The following MAF variants were observed in gnomAD, a reference collection of about 807,000 sequenced individuals.
MAF encodes MAF bZIP transcription factor, also known as transcription factor Maf.
Under a neutral mutation model 22.0 loss-of-function variants are expected in MAF, and 10 were observed. That is an observed-to-expected ratio of 0.45 (90% CI 0.28 to 0.77). The LOEUF is 0.77. Among genes scored for constraint, MAF ranks in the 30% least tolerant of loss-of-function variants. MAF has a pLI of 0.12. For synonymous variants in MAF, 337 were observed against 255.8 expected (o/e 1.32, Z -3.03); for missense variants, 544 against 548.4 (o/e 0.99, Z 0.08).
chr16:79,421,137 T>A, the MAF span, among the ~76,000 whole-genome samples: 1 of 152,186 alleles, frequency 6.6e-6, no homozygotes, highest in Non-Finnish European at 1.5e-5. Context: ...TCTGCCTAAT[T>A]TGCAAATTAA....
At position 79,598,967 on chromosome 16, in the gene MAF, C is replaced by G; in HGVS notation, c.936G>C (p.Gln312His). 6.2e-7 allele frequency: 1 copy of G among 1,613,846 alleles called. No individual in the cohort carries two copies. Among genetic ancestry groups the G allele is most frequent in the Non-Finnish European group, 8.5e-7 (1 of 1,179,942 alleles). The change falls in exon 1 of 2, where the codon CAG becomes CAC. Residue 312 changes from glutamine to histidine, a missense_variant. Gln to His is a conservative substitution (Grantham distance 24, BLOSUM62 0). Transcript: ENST00000326043. ...TCTTCTCCGACTCCAGGACGTGTCT[C>G]TGCTGCACCCTCTTGAAGCGGCAGG... ...AQSCRFKRVQ[Q>H]RHVLESEKNQ... is the part of the protein sequence containing the mutation.
chr16:79,315,222 G>T, the MAF span, among the ~76,000 whole-genome samples: 1 of 152,256 alleles, frequency 6.6e-6, no homozygotes, highest in African/African-American at 2.4e-5. Context: ...CTAGTGGGAA[G>T]AGCCAGGCAA....
At chr16:79,435,444 G>C in the MAF span, among the ~76,000 whole-genome samples, 1 of 152,216 alleles carries the variant, frequency 6.6e-6, no homozygotes, top group Admixed American at 6.5e-5. Flanking sequence ...GCGGTCAATA[G>C]CGAAATCTTC....
chr16:79,358,550 G>A, the MAF span, among the ~76,000 whole-genome samples: 10 of 152,228 alleles, frequency 6.6e-5, no homozygotes, highest in Non-Finnish European at 1.0e-4. Context: ...GCGTGGATGG[G>A]AGGCGTGAGA....
At chr16:79,512,782 T>G in the MAF span, among the ~76,000 whole-genome samples, 1 of 152,222 alleles carries the variant, frequency 6.6e-6, no homozygotes, top group Non-Finnish European at 1.5e-5. Context: ...TGGTATTGAT[T>G]TCACTCTTCC....
the MAF span, among the ~76,000 whole-genome samples, chr16:79,556,426 T>A: frequency 1.3e-5 from 2 of 152,210 alleles, no homozygotes; most frequent in Non-Finnish European, 2.9e-5. Flanking sequence ...GAAAGAGAGT[T>A]GTATTGGGTT....
chr16:79,301,421 T>C, the MAF span, among the ~76,000 whole-genome samples: 48 of 151,808 alleles, frequency 3.2e-4, no homozygotes, highest in African/African-American at 1.2e-3. Context: ...GGAAGTGCAT[T>C]TTTTCCCCCC....
chr16:79,376,047 T>C, the MAF span, among the ~76,000 whole-genome samples: 14 of 152,086 alleles, frequency 9.2e-5, no homozygotes, highest in African/African-American at 3.4e-4. Context: ...CAGACTTTTT[T>C]CAAAACATTG....
chr16:79,576,324 T>C, the MAF span, among the ~76,000 whole-genome samples: 2 of 151,160 alleles, frequency 1.3e-5, no homozygotes, highest in African/African-American at 2.4e-5. Flanking sequence ...CATCAGGCGA[T>C]TGATTAAAAA....
chr16:79,424,740 G>A, the MAF span, among the ~76,000 whole-genome samples: 3 of 152,092 alleles, frequency 2.0e-5, no homozygotes, highest in Non-Finnish European at 4.4e-5. Context: ...AAATCCTGCT[G>A]CATAACCAAC....
chr16:79,449,913 C>T, the MAF span, among the ~76,000 whole-genome samples: 2 of 152,198 alleles, frequency 1.3e-5, no homozygotes, highest in East Asian at 1.9e-4. Flanking sequence ...AGCTTATGGG[C>T]TTCCAACTTT....
chr16:79,392,294 A>G, the MAF span, among the ~76,000 whole-genome samples: 1 of 143,500 alleles, frequency 7.0e-6, no homozygotes, highest in African/African-American at 2.6e-5. Context: ...GTGGGGAGAG[A>G]GAGAGTGAAG....
chr16:79,213,556 G>A, the MAF span, among the ~76,000 whole-genome samples: 22 of 152,228 alleles, frequency 1.4e-4, no homozygotes, highest in Middle Eastern at 3.2e-3. Context: ...AATTTGGAAA[G>A]TGCTTTGCAC....
chr16:79,523,092 A>G, the MAF span, among the ~76,000 whole-genome samples: 3 of 152,186 alleles, frequency 2.0e-5, no homozygotes, highest in Non-Finnish European at 4.4e-5. Flanking sequence ...CTGGCATCTA[A>G]TGGTTTTTCC....
At chr16:79,211,929 A>G in the MAF span, 5 of 1,538,962 alleles carry the variant, frequency 3.2e-6, no homozygotes, top group Non-Finnish European at 4.4e-6. Flanking sequence ...AGCAGTCACA[A>G]CAGAGTGAAA....
chr16:79,566,549 C>A, the MAF span, among the ~76,000 whole-genome samples: 2 of 152,260 alleles, frequency 1.3e-5, no homozygotes, highest in Non-Finnish European at 2.9e-5. Context: ...TGATCCTGGA[C>A]ATGCATTCCT....
the MAF span, among the ~76,000 whole-genome samples, chr16:79,555,790 G>A: frequency 2.6e-5 from 4 of 152,096 alleles, no homozygotes; most frequent in African/African-American, 9.7e-5. Flanking sequence ...TTGGGATAAG[G>A]GATATGAACC....
chr16:79,579,339 C>G, the MAF span, among the ~76,000 whole-genome samples: 1 of 152,274 alleles, frequency 6.6e-6, no homozygotes, highest in Middle Eastern at 3.4e-3. Context: ...GATGCTTTTT[C>G]AAGACCAGCT....
the MAF span, among the ~76,000 whole-genome samples, chr16:79,343,286 G>T: frequency 6.6e-6 from 1 of 151,660 alleles, no homozygotes; most frequent in African/African-American, 2.4e-5. Flanking sequence ...TTCTCTTCCT[G>T]GTTATTTCCT....
Sources: allele counts gnomAD v4.1 joint callset (sites outside exome capture counted in the v4.1 genomes callset), GRCh38; gene constraint gnomAD v4.1.1; transcripts MANE v1.5; gene names NCBI Gene and HGNC (gene_info 2026-07-23, HGNC 2026-07-21).